The following CELF2 variants were observed in gnomAD, a reference collection of about 807,000 sequenced individuals.
The protein encoded by CELF2 is CUG triplet repeat RNA-binding protein 2.
In CELF2, 8 loss-of-function variants were observed where a neutral mutation model predicts 62.6. The ratio of observed to expected loss-of-function variants is 0.13; its 90% CI spans 0.07 to 0.23. CELF2 has a LOEUF of 0.23. CELF2 is among the 10% of genes least tolerant of loss of function. The probability of loss-of-function intolerance (pLI) is 1.00; values close to 1 mark genes in which losing one functional copy is unlikely to be tolerated. For missense variants in CELF2, 333 were observed against 671.0 expected (o/e 0.50, Z 5.56); for synonymous variants, 258 against 250.0 (o/e 1.03, Z -0.30).
intron 1 of CELF2, among the ~76,000 whole-genome samples, chr10:10,854,909 G>A (rs974322153): frequency 3.2e-4 from 49 of 152,070 alleles, no homozygotes; most frequent in African/African-American, 1.0e-3. Context: ...CTCCAGGGGA[G>A]GAAAATCTGA....
chr10:11,039,511 GTTAA>G lies in CELF2; in HGVS notation c.74+21352_74+21355del, dbSNP rs200023316. Among the ~76,000 whole-genome samples, 2,625 of 152,294 alleles carry G rather than the reference GTTAA, an allele frequency of 0.017. 71 individuals carry two copies. Among genetic ancestry groups the G allele is most frequent in the African/African-American group, 0.06 (2,494 of 41,538 alleles). ...CAAAGTACCTTAAAACGAGTTCAGA[GTTAA>G]TTATTTACTTCACAAGACACTGCTT... On this transcript the variant is annotated intron_variant, in intron 1 of 12. Coordinates refer to ENST00000633077, the MANE Select transcript of CELF2 (RefSeq NM_001326342.2). The surrounding 1 kb of genome is among the most constrained non-coding windows in gnomAD (Gnocchi z 4.1).
chr10:11,173,388 T>G (rs571789290), intron 2 of CELF2, among the ~76,000 whole-genome samples: 19 of 152,328 alleles, frequency 1.2e-4, no homozygotes, highest in Non-Finnish European at 2.2e-4. Context: ...GGCATTCGGG[T>G]TGAAAGGTTT....
chr10:10,992,573 T>A (rs2053549886), intron 2 of CELF2, among the ~76,000 whole-genome samples: 1 of 152,176 alleles, frequency 6.6e-6, no homozygotes, highest in African/African-American at 2.4e-5. Flanking sequence ...CAATGAAGTA[T>A]AATAAATGAT....
the CELF2 span, among the ~76,000 whole-genome samples, chr10:10,748,248 T>C: frequency 5.2e-4 from 79 of 152,176 alleles, no homozygotes; most frequent in African/African-American, 1.7e-3. Context: ...TCCCAACACA[T>C]AGAAATGATA....
At chr10:10,637,650 T>C in the CELF2 span, among the ~76,000 whole-genome samples, 4 of 152,190 alleles carry the variant, frequency 2.6e-5, no homozygotes, top group African/African-American at 9.7e-5. Context: ...AACCATATTC[T>C]TCCTTGGCAG....
intron 2 of CELF2, among the ~76,000 whole-genome samples, chr10:10,976,816 A>C (rs1564296949): frequency 6.6e-6 from 1 of 152,070 alleles, no homozygotes; most frequent in Non-Finnish European, 1.5e-5. Flanking sequence ...CTTCCCTCGA[A>C]CTAACTCAAA....
At chr10:10,951,924 C>T (rs1041808668) in intron 2 of CELF2, 3 of 152,438 alleles carry the variant, frequency 2.0e-5, no homozygotes, top group African/African-American at 4.8e-5. Context: ...ACTCCAGGCA[C>T]CTCCTACACT....
chr10:11,208,453 G>C (rs1274783066), intron 2 of CELF2, among the ~76,000 whole-genome samples: 6 of 152,212 alleles, frequency 3.9e-5, no homozygotes, highest in South Asian at 4.1e-4. Context: ...CAGCCATGTA[G>C]TAATGTGATT....
At chr10:10,560,684 G>A in the CELF2 span, among the ~76,000 whole-genome samples, 1 of 150,634 alleles carries the variant, frequency 6.6e-6, no homozygotes, top group Admixed American at 6.6e-5. Context: ...ACCCAGAGGG[G>A]AAAAAAAAAT....
chr10:10,974,709 T>C (rs1163374281), intron 2 of CELF2, among the ~76,000 whole-genome samples: 1 of 152,226 alleles, frequency 6.6e-6, no homozygotes, highest in Non-Finnish European at 1.5e-5. Flanking sequence ...GCTGGCTGTA[T>C]TGCTATTTTT....
chr10:11,099,485 T>C (rs2050840121), intron 1 of CELF2, among the ~76,000 whole-genome samples: 1 of 152,254 alleles, frequency 6.6e-6, no homozygotes, highest in South Asian at 2.1e-4. Context: ...GTTGGCTCTT[T>C]ACGAGGTCTT....
rs1421433377 is a variant in CELF2 at position 11,177,893 on chromosome 10, C to T, written c.271+12211C>T. 6.6e-6 allele frequency among the ~76,000 whole-genome samples: 1 copy of T among 152,046 alleles called. No homozygotes were observed. Among genetic ancestry groups the T allele is most frequent in the South Asian group, 2.1e-4 (1 of 4,802 alleles). ...GAGTGTTGTAGGCAGTTGCAGTGCC[C>T]GTCACTCTCTGGGTGAAGCCAGTAT... On this transcript the variant is annotated intron_variant, in intron 2 of 12. Transcript: ENST00000633077. The surrounding 1 kb of genome is among the most constrained non-coding windows in gnomAD (Gnocchi z 4.8).
At chr10:11,174,133 A>G (rs1403450783) in intron 2 of CELF2, among the ~76,000 whole-genome samples, 1 of 152,210 alleles carries the variant, frequency 6.6e-6, no homozygotes, top group Non-Finnish European at 1.5e-5. Context: ...TATGTCTTCA[A>G]ATGTTTCTAC....
chr10:10,582,872 C>A, the CELF2 span, among the ~76,000 whole-genome samples: 1 of 152,118 alleles, frequency 6.6e-6, no homozygotes, highest in East Asian at 1.9e-4. Context: ...AATACAAATA[C>A]TGTGTAGAAT....
chr10:10,884,790 A>T (rs1591536055), intron 1 of CELF2, among the ~76,000 whole-genome samples: 1 of 152,252 alleles, frequency 6.6e-6, no homozygotes, highest in Non-Finnish European at 1.5e-5. Context: ...TTGCACTTCT[A>T]TACAGTGCCA....
At chr10:11,164,201 G>A (rs952419131) in intron 1 of CELF2, among the ~76,000 whole-genome samples, 7 of 152,192 alleles carry the variant, frequency 4.6e-5, no homozygotes, top group African/African-American at 1.4e-4. Context: ...ATGAGCTGCC[G>A]AGAGGCATTC....
At chr10:10,653,720 G>T in the CELF2 span, among the ~76,000 whole-genome samples, 3 of 147,740 alleles carry the variant, frequency 2.0e-5, no homozygotes, top group Non-Finnish European at 4.5e-5. Context: ...TCAAAGCAGT[G>T]TGTAGAGGGA....
the CELF2 span, among the ~76,000 whole-genome samples, chr10:10,496,030 T>C: frequency 6.6e-6 from 1 of 152,248 alleles, no homozygotes; most frequent in African/African-American, 2.4e-5. Flanking sequence ...GACTTTGTGC[T>C]AATCACTTTA....
intron 2 of CELF2, among the ~76,000 whole-genome samples, chr10:10,929,868 C>T (rs906304637): frequency 3.3e-5 from 5 of 152,274 alleles, no homozygotes; most frequent in African/African-American, 1.2e-4. Context: ...TAGATTGTTG[C>T]CTTGCTACGA....
Sources: allele counts gnomAD v4.1 joint callset (sites outside exome capture counted in the v4.1 genomes callset), GRCh38; gene constraint gnomAD v4.1.1; non-coding constraint Gnocchi (gnomAD v3.1); transcripts MANE v1.5; gene names NCBI Gene and HGNC (gene_info 2026-07-23, HGNC 2026-07-21).